Variants in FKBP9 observed in about 807,000 individuals in gnomAD.
FKBP9 encodes peptidyl-prolyl cis-trans isomerase FKBP9.
FKBP9 carries 27 observed loss-of-function variants against 55.6 expected under a neutral mutation model. The observed-to-expected ratio is 0.49, with a 90% CI of 0.36 to 0.67. FKBP9 has a LOEUF of 0.67. Among genes scored for constraint, FKBP9 ranks in the 30% least tolerant of loss-of-function variants. FKBP9 has a pLI of 0.00. For synonymous variants in FKBP9, 267 were observed against 296.5 expected (o/e 0.90, Z 1.02); for missense variants, 539 against 742.8 (o/e 0.73, Z 3.19).
At chr7:32,974,983 A>G in intron 2 of FKBP9, 199 bp from the exon 3 acceptor site, 1 of 638,486 alleles carries the variant, frequency 1.6e-6, no homozygotes, top group Non-Finnish European at 2.7e-6. Flanking sequence ...ACCCTCAATG[A>G]GAAGAAGACT....
intron 5 of FKBP9, 152 bp downstream of exon 5, chr7:32,980,705 C>A (rs550953734): frequency 1.2e-5 from 15 of 1,239,784 alleles, no homozygotes; most frequent in East Asian, 7.6e-5. Context: ...ATACTTAGTT[C>A]TTTCCTCCCT....
At chr7:32,957,906 C>G (rs1215348286) in intron 1 of FKBP9, 112 bp downstream of exon 1, 27 of 838,042 alleles carry the variant, frequency 3.2e-5, no homozygotes, top group Non-Finnish European at 3.9e-5. Flanking sequence ...CAGCCGCGCT[C>G]CTCCCTTCTT....
In FKBP9 at chr7:33,006,005, T is replaced by C. The variant is rs1296023609; in HGVS notation, c.*654T>C. 5 of 228,612 alleles carry C rather than the reference T, an allele frequency of 2.2e-5. No individual in the cohort carries two copies. Among genetic ancestry groups the C allele is most frequent in the Admixed American group, 5.7e-5 (1 of 17,518 alleles). 14.2% of individuals were successfully genotyped at this position (228,612 alleles called of 1,614,324 possible). On this transcript the variant is annotated 3_prime_UTR_variant, in exon 10 of 10. Coordinates refer to ENST00000242209, the MANE Select transcript of FKBP9 (RefSeq NM_007270.5). ...TAAAAGAGCCTTTTGGACAGAAAAC[T>C]GGGCCAGGAAAAGGCATCTCAGACC... is the stretch of plus-strand genomic sequence containing the variant.
At chr7:33,001,479 G>C (rs1784931796) in intron 8 of FKBP9, among the ~76,000 whole-genome samples, 1 of 151,906 alleles carries the variant, frequency 6.6e-6, no homozygotes. Context: ...AGCTTGCAGT[G>C]AGCCGAGATC....
chr7:32,987,750 C>T (rs1443426653), intron 5 of FKBP9, among the ~76,000 whole-genome samples: 1 of 152,164 alleles, frequency 6.6e-6, no homozygotes, highest in Non-Finnish European at 1.5e-5. Flanking sequence ...CCTCTGACTT[C>T]AGCCTCCTGA....
At chr7:32,980,236 G>A in intron 4 of FKBP9, 128 bp from the exon 5 acceptor site, 1 of 784,980 alleles carries the variant, frequency 1.3e-6, no homozygotes. Context: ...TCAAGACCTG[G>A]AAGAACATTT....
intron 4 of FKBP9, among the ~76,000 whole-genome samples, chr7:32,980,093 T>C (rs1336816605): frequency 6.6e-6 from 1 of 152,224 alleles, no homozygotes; most frequent in Non-Finnish European, 1.5e-5. Context: ...ACATAAAGCC[T>C]TGATTTTCCA....
chr7:32,970,330 G>A (rs1352282301), intron 1 of FKBP9, among the ~76,000 whole-genome samples: 5 of 152,000 alleles, frequency 3.3e-5, no homozygotes, highest in African/African-American at 1.2e-4. Flanking sequence ...CCGAGTAGCT[G>A]GTATTACAGG....
intron 1 of FKBP9, among the ~76,000 whole-genome samples, chr7:32,968,393 A>C (rs1291255463): frequency 6.6e-6 from 1 of 151,938 alleles, no homozygotes; most frequent in Admixed American, 6.6e-5. Flanking sequence ...TCTATTTTTA[A>C]TTTTTTGAGG....
intron 1 of FKBP9, among the ~76,000 whole-genome samples, chr7:32,962,212 G>C (rs10259453): frequency 0.19 from 28,198 of 151,852 alleles, 3,346 homozygotes; most frequent in Admixed American, 0.34. Context: ...GACCAACATG[G>C]AGAAACCCCG....
chr7:33,003,367 C>G (rs1388289676), intron 9 of FKBP9, among the ~76,000 whole-genome samples: 1 of 152,262 alleles, frequency 6.6e-6, no homozygotes, highest in African/African-American at 2.4e-5. Context: ...CTTTTCCTCT[C>G]TCTCTCCACA....
intron 4 of FKBP9, among the ~76,000 whole-genome samples, chr7:32,978,047 G>A (rs1318647850): frequency 1.3e-5 from 2 of 150,674 alleles, no homozygotes; most frequent in African/African-American, 4.9e-5. Flanking sequence ...TCAGCCTCCT[G>A]GGTAGCTTGG....
intron 1 of FKBP9, among the ~76,000 whole-genome samples, chr7:32,967,019 T>G (rs1246164641): frequency 2.6e-5 from 4 of 152,084 alleles, no homozygotes; most frequent in African/African-American, 9.7e-5. Flanking sequence ...GGTGAAGGTA[T>G]GTATTCCTCT....
At chr7:32,964,758 C>G (rs1562562419) in intron 1 of FKBP9, among the ~76,000 whole-genome samples, 2 of 152,156 alleles carry the variant, frequency 1.3e-5, no homozygotes, top group African/African-American at 4.8e-5. Flanking sequence ...GGCAAAGGGT[C>G]CAGAAAGCCC....
intron 7 of FKBP9, among the ~76,000 whole-genome samples, chr7:32,998,784 G>A (rs557265329): frequency 2.6e-5 from 4 of 152,274 alleles, no homozygotes; most frequent in African/African-American, 9.6e-5. Flanking sequence ...CAGGCCGGCG[G>A]TGGATGGGGC....
At chr7:32,958,012 T>TA (rs1462905831) in intron 1 of FKBP9, among the ~76,000 whole-genome samples, 1 of 152,220 alleles carries the variant, frequency 6.6e-6, no homozygotes, top group Non-Finnish European at 1.5e-5. Context: ...ACTGGACCCT[T>TA]GGAGGACCTT....
intron 1 of FKBP9, among the ~76,000 whole-genome samples, chr7:32,969,832 G>A (rs1784219170): frequency 6.6e-6 from 1 of 151,810 alleles, no homozygotes; most frequent in Non-Finnish European, 1.5e-5. Context: ...GTGAAGCCCT[G>A]TCTCTACTAA....
At chr7:32,988,371 C>T (rs998163392) in intron 5 of FKBP9, 136 bp from the exon 6 acceptor site, 16 of 793,522 alleles carry the variant, frequency 2.0e-5, no homozygotes, top group South Asian at 5.3e-5. Flanking sequence ...CTGGCTGTGT[C>T]GTCAGATACT....
Position 32,994,034 on chromosome 7 carries a change from T to C in FKBP9, c.1040-2129T>C, listed in dbSNP as rs180720524. Reference sequence around the variant, plus strand: ...TTCGCATCTCCAGCTTCAATTCTTTTGTATATATACCCAAGAAAGATATTT... The same window carrying C: ...TTCGCATCTCCAGCTTCAATTCTTTCGTATATATACCCAAGAAAGATATTT... On this transcript the variant is annotated intron_variant, in intron 6 of 9. Coordinates refer to ENST00000242209, the MANE Select transcript of FKBP9 (RefSeq NM_007270.5). Among the ~76,000 whole-genome samples the C allele has an allele frequency of 2.0e-3, 310 of 152,362 alleles. 2 individuals carry two copies. The highest frequency in any genetic ancestry group is 7.1e-3 in the African/African-American group (297 of 41,588).
Sources: gnomAD v4.1 joint callset for allele counts (sites outside exome capture counted in the v4.1 genomes callset) on GRCh38, gnomAD v4.1.1 for gene constraint, MANE v1.5 for transcripts, NCBI Gene and HGNC (gene_info 2026-07-23, HGNC 2026-07-21) for gene names.